The following GAREM2 variants were observed in gnomAD, a reference collection of about 807,000 sequenced individuals.
GAREM2 encodes the protein GRB2 associated regulator of MAPK1 subtype 2, also known as GRB2-associated and regulator of MAPK protein 2.
In GAREM2, 30 loss-of-function variants were observed where a neutral mutation model predicts 55.6. That is an observed-to-expected ratio of 0.54 (90% CI 0.40 to 0.73). The LOEUF (loss-of-function observed/expected upper bound fraction) is 0.73, where lower values mean the gene tolerates loss of function less well. Among genes scored for constraint, GAREM2 ranks in the 30% least tolerant of loss-of-function variants. The pLI is 0.00. For missense variants in GAREM2, 1,075 were observed against 1,257.7 expected (o/e 0.85, Z 2.20); for synonymous variants, 550 against 569.1 (o/e 0.97, Z 0.48).
Position 26,176,447 on chromosome 2 carries a change from C to T in GAREM2, c.216C>T (p.Val72=). 6.5e-7 allele frequency: 1 copy of T among 1,549,872 alleles called. No homozygotes were observed. Among genetic ancestry groups the T allele is most frequent in the East Asian group, 2.5e-5 (1 of 40,802 alleles). ...ATACCCTGGAGGAGGGCCACTATGT[C>T]ATCGGGCCCAAGATCGACATCCCCC... is the stretch of plus-strand genomic sequence containing the variant. The part of the protein sequence containing the change: ...TAHTLEEGHY[V]IGPKIDIPLQ... The change falls in exon 2 of 6, where the codon GTC becomes GTT. Residue 72 remains valine, a synonymous_variant. Coordinates refer to ENST00000401533, the MANE Select transcript of GAREM2 (RefSeq NM_001168241.2).
chr2:26,195,109 C>G, the GAREM2 span: 2 of 1,613,590 alleles, frequency 1.2e-6, no homozygotes, highest in Non-Finnish European at 8.5e-7. Flanking sequence ...ACAATGATGA[C>G]CTTCCCCTGC....
At chr2:26,197,300 C>T in the GAREM2 span, among the ~76,000 whole-genome samples, 19 of 152,306 alleles carry the variant, frequency 1.2e-4, no homozygotes, top group South Asian at 3.9e-3. Context: ...CAGACACATC[C>T]CACCATTCCT....
intron 5 of GAREM2, 108 bp from the exon 6 acceptor site, chr2:26,187,123 C>T (rs757284825): frequency 1.5e-5 from 20 of 1,312,272 alleles, no homozygotes; most frequent in Middle Eastern, 2.6e-4. Context: ...GGTGCAGGCC[C>T]GTGTTGCTGA....
At chr2:26,180,428 A>T (rs1197577764) in intron 2 of GAREM2, among the ~76,000 whole-genome samples, 1 of 152,148 alleles carries the variant, frequency 6.6e-6, no homozygotes, top group African/African-American at 2.4e-5. Flanking sequence ...CTTGCCTCAC[A>T]GCCGAGGCTG....
chr2:26,201,850 A>G, the GAREM2 span, among the ~76,000 whole-genome samples: 2 of 151,496 alleles, frequency 1.3e-5, no homozygotes, highest in East Asian at 3.9e-4. Context: ...GCTGGAGTGC[A>G]GTGGCGTGAT....
downstream of GAREM2, among the ~76,000 whole-genome samples, chr2:26,192,943 G>A (rs1669553772): frequency 6.6e-6 from 1 of 152,256 alleles, no homozygotes; most frequent in Admixed American, 6.5e-5. Context: ...GATGAGAAAG[G>A]CCACCTGGGT....
intron 4 of GAREM2, 74 bp downstream of exon 4, chr2:26,185,350 C>G (rs1669215168): frequency 1.4e-6 from 2 of 1,416,158 alleles, no homozygotes; most frequent in East Asian, 3.0e-5. Flanking sequence ...GCCCCGGCCC[C>G]GGAGTATGTG....
At chr2:26,180,821 T>C in intron 2 of GAREM2, 1 of 644,240 alleles carries the variant, frequency 1.6e-6, no homozygotes, top group Non-Finnish European at 1.9e-6. Context: ...TTTCACCATG[T>C]TGGCCAGGCT....
At chr2:26,200,120 C>T in the GAREM2 span, among the ~76,000 whole-genome samples, 1 of 152,122 alleles carries the variant, frequency 6.6e-6, no homozygotes, top group African/African-American at 2.4e-5. Flanking sequence ...GCTCTATGGG[C>T]AATAAGAGAA....
At chr2:26,197,273 G>A in the GAREM2 span, among the ~76,000 whole-genome samples, 1 of 152,194 alleles carries the variant, frequency 6.6e-6, no homozygotes, top group African/African-American at 2.4e-5. Context: ...GGTAGAAGGT[G>A]TAAGCAAACC....
Position 26,187,836 on chromosome 2 carries a change from C to T in GAREM2, c.2204C>T (p.Ser735Leu), listed in dbSNP as rs908944120. The T allele has an allele frequency of 2.1e-6, 3 of 1,439,524 alleles. No individual in the cohort carries two copies. The South Asian group carries it at 4.6e-5, about 22-fold the overall frequency. The allele number at this position is 1,439,524 out of a possible 1,614,324, so 89.2% of individuals were successfully genotyped here. A position where few individuals can be genotyped will look rare whatever the true frequency, so the allele number is the denominator to read the frequency against. Residue 735 changes from serine to leucine, a missense_variant, in exon 6 of 6, where the codon TCA (serine) becomes TTA (leucine). Coordinates refer to ENST00000401533, the MANE Select transcript of GAREM2 (RefSeq NM_001168241.2). The part of the protein sequence containing the change: ...VGTPGPGPRL[S>L]PLGPSKAFEP... ...ACACCTGGGCCTGGACCCCGCCTTT[C>T]ACCACTTGGCCCCTCCAAGGCCTTT...
chr2:26,176,561 G>C (rs1391508633), intron 2 of GAREM2, 77 bp downstream of exon 2: 1 of 1,298,392 alleles, frequency 7.7e-7, no homozygotes, highest in South Asian at 1.9e-5. Context: ...GGGGTAGGGG[G>C]AACGCTGGGA....
chr2:26,203,985 A>G, the GAREM2 span: 1 of 1,435,854 alleles, frequency 7.0e-7, no homozygotes, highest in Non-Finnish European at 9.8e-7. Flanking sequence ...AAAAAAACCC[A>G]CCAAGCCACC....
rs1288516583 is a variant in GAREM2, at chr2:26,185,177, G to A, written c.1329G>A (p.Arg443=). The A allele has an allele frequency of 4.6e-6, 7 of 1,508,116 alleles. No homozygotes were observed. In the South Asian group the frequency reaches 7.3e-5, roughly 16 times the overall value. The allele number at this position is 1,508,116 out of a possible 1,614,324, so 93.4% of individuals were successfully genotyped here. ...WAHQGPEGLV[R]PPPGLDLISF... is the part of the protein sequence containing the mutation. ...ACCAGGGGCCCGAGGGCCTCGTCCG[G>A]CCGCCCCCAGGGCTCGATCTCATCT... Residue 443 remains arginine (R), a synonymous_variant, in exon 4 of 6, where the codon CGG becomes CGA. Coordinates refer to ENST00000401533, the MANE Select transcript of GAREM2 (RefSeq NM_001168241.2).
intron 1 of GAREM2, among the ~76,000 whole-genome samples, chr2:26,175,485 C>T (rs1005758684): frequency 1.3e-5 from 2 of 152,066 alleles, no homozygotes; most frequent in South Asian, 2.1e-4. Context: ...GATGAGGGGG[C>T]GTGGGGAGGG....
chr2:26,182,575 G>C, intron 2 of GAREM2: 1 of 1,341,896 alleles, frequency 7.5e-7, no homozygotes, highest in East Asian at 2.5e-5. Flanking sequence ...GTCACGGCAA[G>C]TCAGAGGTCA....
chr2:26,193,886 C>T (rs1308421211), downstream of GAREM2: 1 of 797,728 alleles, frequency 1.3e-6, no homozygotes, highest in Non-Finnish European at 2.2e-6. Context: ...CTGAGTGTCA[C>T]CTGACCAGGC....
At position 26,186,306 on chromosome 2, in the gene GAREM2, G is replaced by T; in HGVS notation, c.1546G>T (p.Val516Leu). ...CCCTCGCTTCCCCAAGCTGCAGCCG[G>T]TACATTCCCCCAGCTCCAGCCTCTC... ...VPPRFPKLQP[V>L]HSPSSSLSYY... is the part of the protein sequence containing the mutation. Residue 516 changes from valine (V) to leucine (L), a missense_variant, in exon 5 of 6, where the codon GTA becomes TTA. Physicochemically the swap from Val to Leu is conservative, Grantham distance 32. Around this residue, in one of 6 missense-constraint regions of GAREM2, gnomAD observed 515 missense variants for 501.5 expected, o/e 1.03. Transcript: ENST00000401533. The T allele has an allele frequency of 6.4e-7, 1 of 1,551,598 alleles. No individual in the cohort carries two copies. The highest frequency in any genetic ancestry group is 1.2e-5 in the South Asian group (1 of 84,054).
chr2:26,180,323 G>C (rs1669004172), intron 2 of GAREM2, among the ~76,000 whole-genome samples: 1 of 152,216 alleles, frequency 6.6e-6, no homozygotes. Flanking sequence ...AATTGTGTGT[G>C]TGTTCATGCT....
Sources: gnomAD v4.1 joint callset for allele counts (sites outside exome capture counted in the v4.1 genomes callset) on GRCh38, gnomAD v4.1.1 for gene constraint, gnomAD v4.1.1 regional missense constraint, MANE v1.5 for transcripts, NCBI Gene and HGNC (gene_info 2026-07-23, HGNC 2026-07-21) for gene names.